USP24: variants seen among roughly 807,000 people sequenced by gnomAD.
USP24 encodes ubiquitin carboxyl-terminal hydrolase 24.
In USP24, 97 loss-of-function variants were observed where a neutral mutation model predicts 361.6. The ratio of observed to expected loss-of-function variants is 0.27; its 90% confidence interval spans 0.23 to 0.32. USP24 has a LOEUF of 0.32. Among genes scored for constraint, USP24 ranks in the 10% least tolerant of loss-of-function variants. The pLI, the probability that USP24 is intolerant of heterozygous loss-of-function variation, is 1.00. For missense variants in USP24, 2,353 were observed against 3,165.6 expected (o/e 0.74, Z 6.16); for synonymous variants, 1,098 against 1,124.6 (o/e 0.98, Z 0.47).
At chr1:55,153,419 C>T (rs1647304913) in intron 16 of USP24, among the ~76,000 whole-genome samples, 1 of 152,194 alleles carries the variant, frequency 6.6e-6, no homozygotes, top group Non-Finnish European at 1.5e-5. Context: ...AGGAACATGT[C>T]TAAATGAAGA....
Position 55,178,112 on chromosome 1 carries a change from G to A in USP24, c.345C>T (p.Asn115=). The change falls in exon 2 of 68, where the codon AAC becomes AAT. Residue 115 remains asparagine (N), a synonymous_variant. Coordinates refer to ENST00000294383, the MANE Select transcript of USP24 (RefSeq NM_015306.3). The stretch of plus-strand genomic sequence containing the variant: ...GGAATTCAATTCCTTCCCCTGAGCA[G>A]TTTCCATTCTCATCATTCTTCTGAC... ...VDAEKNDENG[N]CSGEGIEFPT... 1 of 1,551,186 alleles carries A rather than the reference G, an allele frequency of 6.4e-7. No individual in the cohort carries two copies. The highest frequency in any genetic ancestry group is 8.7e-7 in the Non-Finnish European group (1 of 1,146,766).
chr1:55,081,594 G>T (rs1327290306), intron 58 of USP24, among the ~76,000 whole-genome samples, 170 bp from the exon 59 acceptor site: 1 of 152,156 alleles, frequency 6.6e-6, no homozygotes, highest in Non-Finnish European at 1.5e-5. Flanking sequence ...AGCTCAAAGG[G>T]TTATATTAAC....
chr1:55,141,868 T>G, intron 23 of USP24, 137 bp from the exon 24 acceptor site: 1 of 752,872 alleles, frequency 1.3e-6, no homozygotes, highest in Non-Finnish European at 2.2e-6. Context: ...ATCCCTGGCC[T>G]CTACCTACTT....
chr1:55,115,008 C>A (rs1233057196), intron 38 of USP24, among the ~76,000 whole-genome samples: 2 of 149,906 alleles, frequency 1.3e-5, no homozygotes, highest in Non-Finnish European at 1.5e-5. Flanking sequence ...TGACAAAGGG[C>A]TAATATCCAG....
chr1:55,080,785 T>C (rs1645133689), intron 59 of USP24, among the ~76,000 whole-genome samples: 2 of 152,252 alleles, frequency 1.3e-5, no homozygotes, highest in African/African-American at 4.8e-5. Flanking sequence ...GACTGTGTTA[T>C]TAGTTCTGGG....
At position 55,072,717 on chromosome 1, in the gene USP24, A is replaced by AT. The variant is rs1407150678; in HGVS notation, c.7602+68dup. 85 of 1,446,264 alleles carry AT rather than the reference A, an allele frequency of 5.9e-5. No individual in the cohort carries two copies. In the Admixed American group the frequency reaches 1.8e-3, roughly 31 times the overall value. The allele number at this position is 1,446,264 out of a possible 1,614,324, so 89.6% of individuals were successfully genotyped here. A position where few individuals can be genotyped will look rare whatever the true frequency, so the allele number is the denominator to read the frequency against. ...TCAGTCTCCATATTCAGTTCTAGAG[A>AT]TTTTTCCTGACAAGATGTGCTATTA... is the stretch of plus-strand genomic sequence containing the variant. On this transcript the variant is annotated intron_variant, in intron 65 of 67. Transcript: ENST00000294383.
rs1313518595 is a variant in USP24, at chr1:55,138,598, G to A, written c.2928+10C>T. The A allele has an allele frequency of 1.3e-6, 2 of 1,588,058 alleles. No individual in the cohort carries two copies. The highest frequency in any genetic ancestry group is 1.3e-5 in the African/African-American group (1 of 74,330). On this transcript the variant is annotated intron_variant, in intron 26 of 67. Transcript: ENST00000294383. ...CATGAAAATGGCTGTAGTTCTTAAT[G>A]TAAACCTACCTCGACAGTGAAGGTA... is the stretch of plus-strand genomic sequence containing the variant.
At chr1:55,122,046 T>C (rs771179092) in intron 36 of USP24, among the ~76,000 whole-genome samples, 2 of 152,176 alleles carry the variant, frequency 1.3e-5, no homozygotes, top group Admixed American at 6.5e-5. Context: ...GGCTGGAGAT[T>C]CATCAGGGAA....
rs748729811 is a variant in USP24 at position 55,192,808 on chromosome 1, G to A, written c.325-14676C>T. Among the ~76,000 whole-genome samples the A allele has an allele frequency of 3.3e-4, 50 of 152,324 alleles. 1 individual carries two copies. The highest frequency in any genetic ancestry group is 3.4e-3 in the Middle Eastern group (1 of 294). On this transcript the variant is annotated intron_variant, in intron 1 of 67. Coordinates refer to ENST00000294383, the MANE Select transcript of USP24 (RefSeq NM_015306.3). ...ACAAGTAAGTGTATGCAGTCCCCAT[G>A]TATGAATACATTGTGTCTGAAGTCT... is the stretch of plus-strand genomic sequence containing the variant.
chr1:55,095,413 T>C lies in USP24; in HGVS notation c.6062-17A>G, dbSNP rs555417661. 115 of 1,588,104 alleles carry C rather than the reference T, an allele frequency of 7.2e-5. No individual in the cohort carries two copies. The highest frequency in any genetic ancestry group is 9.2e-5 in the Non-Finnish European group (108 of 1,167,894). On this transcript the variant is annotated splice_polypyrimidine_tract_variant and intron_variant, in intron 50 of 67. Coordinates refer to ENST00000294383, the MANE Select transcript of USP24 (RefSeq NM_015306.3). ...ATGGGTTTGCTTTATAACAAGACATTAAGAAACACATCTGTAAATAAAAGT... is the reference window on the plus strand; with the variant it reads ...ATGGGTTTGCTTTATAACAAGACATCAAGAAACACATCTGTAAATAAAAGT...
At chr1:55,089,786 C>A in intron 54 of USP24, 46 bp from the exon 55 acceptor site, 1 of 1,348,038 alleles carries the variant, frequency 7.4e-7, no homozygotes, top group Non-Finnish European at 1.0e-6. Context: ...ATAAGCCCAG[C>A]CAATGACCTC....
At chr1:55,182,547 C>T (rs993754707) in intron 1 of USP24, among the ~76,000 whole-genome samples, 6 of 152,044 alleles carry the variant, frequency 3.9e-5, no homozygotes, top group African/African-American at 1.4e-4. Context: ...CATATGAAAT[C>T]GTCAAATGTA....
chr1:55,120,502 T>C, intron 38 of USP24, 94 bp downstream of exon 38: 4 of 1,341,214 alleles, frequency 3.0e-6, no homozygotes, highest in Non-Finnish European at 3.9e-6. Flanking sequence ...TCTAGTCATC[T>C]CAATAATGCA....
rs1326480555 is a variant in USP24, at chr1:55,129,638, A to C, written c.3538-64T>G. On this transcript the variant is annotated intron_variant, in intron 31 of 67. Transcript: ENST00000294383. ...TTCAGCAGAAATTACTCCTTTACTA[A>C]ATAAAACATTCAGACAACTTGAGTT... 8.3e-6 allele frequency: 11 copies of C among 1,318,006 alleles called. No homozygotes were observed. The Admixed American group carries it at 1.6e-4, about 20-fold the overall frequency. 81.6% of individuals were successfully genotyped at this position (1,318,006 alleles called of 1,614,324 possible).
chr1:55,116,916 C>T (rs1043316218), intron 38 of USP24, among the ~76,000 whole-genome samples: 2 of 152,128 alleles, frequency 1.3e-5, no homozygotes, highest in African/African-American at 2.4e-5. Context: ...ACCAATATCC[C>T]TTATGAATGC....
chr1:55,106,098 C>A (rs1156524456), intron 41 of USP24, 48 bp downstream of exon 41: 2 of 1,479,062 alleles, frequency 1.4e-6, no homozygotes, highest in South Asian at 1.2e-5. Flanking sequence ...ACTGAAGTTT[C>A]AAATTAGAAT....
chr1:55,088,373 A>G (rs536028716), intron 55 of USP24, among the ~76,000 whole-genome samples: 17 of 152,342 alleles, frequency 1.1e-4, no homozygotes, highest in Admixed American at 2.6e-4. Flanking sequence ...AAAACAGAGC[A>G]TATTTGTATG....
At chr1:55,202,311 AG>A (rs1485896630) in intron 1 of USP24, among the ~76,000 whole-genome samples, 5 of 152,192 alleles carry the variant, frequency 3.3e-5, no homozygotes, top group African/African-American at 1.2e-4. Context: ...GAGAACGAAA[AG>A]GCTATTTTAA....
At chr1:55,157,762 A>T (rs2100753076) in intron 10 of USP24, among the ~76,000 whole-genome samples, 1 of 148,440 alleles carries the variant, frequency 6.7e-6, no homozygotes, top group African/African-American at 2.5e-5. Flanking sequence ...TGAACCTAGG[A>T]GGCGGAGGTT....
Sources: gnomAD v4.1 joint callset for allele counts (sites outside exome capture counted in the v4.1 genomes callset) on GRCh38, gnomAD v4.1.1 for gene constraint, MANE v1.5 for transcripts, NCBI Gene and HGNC (gene_info 2026-07-23, HGNC 2026-07-21) for gene names.